Variants in TBC1D5 observed in about 807,000 individuals in gnomAD.
TBC1D5 encodes TBC1 domain family member 5, also known as TBC1 domain family, member 5.
A neutral mutation model predicts 100.3 loss-of-function variants in TBC1D5; 75 were observed. The observed-to-expected ratio is 0.75, with a 90% CI of 0.62 to 0.91. TBC1D5 has a LOEUF of 0.91. Ranked by LOEUF, TBC1D5 falls within the 40% of genes least tolerant of loss-of-function variation. TBC1D5 has a pLI of 0.00. For missense variants in TBC1D5, 910 were observed against 942.4 expected, an observed-to-expected ratio of 0.97 and a Z score of 0.45; for synonymous variants, 323 against 325.6, an observed-to-expected ratio of 0.99 and a Z score of 0.09.
chr3:17,222,351 T>C (rs748216817), intron 17 of TBC1D5, among the ~76,000 whole-genome samples: 61 of 152,198 alleles, frequency 4.0e-4, no homozygotes, highest in Non-Finnish European at 1.5e-4. Context: ...GTTCAACAGT[T>C]CTTTAGAAGA....
At chr3:17,606,409 T>C (rs2061337320) in intron 2 of TBC1D5, among the ~76,000 whole-genome samples, 1 of 152,154 alleles carries the variant, frequency 6.6e-6, no homozygotes, top group Admixed American at 6.5e-5. Context: ...GTGATTGCAC[T>C]GCACTCCAGT....
chr3:17,418,888 T>C (rs1182973538), intron 4 of TBC1D5, among the ~76,000 whole-genome samples: 1 of 152,180 alleles, frequency 6.6e-6, no homozygotes, highest in Non-Finnish European at 1.5e-5. Context: ...AGATTCCGCA[T>C]TCATGGTTTA....
At chr3:17,328,454 C>T (rs776424159) in intron 13 of TBC1D5, among the ~76,000 whole-genome samples, 2 of 152,032 alleles carry the variant, frequency 1.3e-5, no homozygotes, top group Admixed American at 6.6e-5. Flanking sequence ...AGATTGTCCA[C>T]CTTGAATCAT....
At chr3:17,301,868 G>A (rs1285300866) in intron 14 of TBC1D5, among the ~76,000 whole-genome samples, 1 of 152,136 alleles carries the variant, frequency 6.6e-6, no homozygotes, top group African/African-American at 2.4e-5. Flanking sequence ...AAATAGTGTG[G>A]TGGGGGTATC....
At chr3:17,445,199 T>C (rs896344230) in intron 3 of TBC1D5, among the ~76,000 whole-genome samples, 1 of 152,172 alleles carries the variant, frequency 6.6e-6, no homozygotes, top group Non-Finnish European at 1.5e-5. Flanking sequence ...TGATGTCTTA[T>C]ATGAGCTTTC....
intron 3 of TBC1D5, among the ~76,000 whole-genome samples, chr3:17,470,949 C>A (rs1374756900): frequency 4.6e-5 from 7 of 152,096 alleles, no homozygotes; most frequent in Non-Finnish European, 1.0e-4. Flanking sequence ...GTGACATGAA[C>A]TTCTGCAAGG....
intron 13 of TBC1D5, among the ~76,000 whole-genome samples, chr3:17,344,490 C>A (rs1282544031): frequency 6.6e-6 from 1 of 150,692 alleles, no homozygotes; most frequent in African/African-American, 2.4e-5. Context: ...GGCCATACTG[C>A]CCAAGGTAAT....
intron 18 of TBC1D5, among the ~76,000 whole-genome samples, chr3:17,211,993 G>A (rs182822384): frequency 6.6e-5 from 10 of 152,296 alleles, no homozygotes; most frequent in African/African-American, 2.4e-4. Context: ...CAGAAGCTGA[G>A]TGTCTTGCCC....
chr3:17,442,513 C>A (rs948349285), intron 3 of TBC1D5, among the ~76,000 whole-genome samples: 1 of 152,180 alleles, frequency 6.6e-6, no homozygotes, highest in Non-Finnish European at 1.5e-5. Flanking sequence ...ATGATAAAAC[C>A]AGACACAGTG....
intron 8 of TBC1D5, among the ~76,000 whole-genome samples, chr3:17,398,425 T>C (rs2093563607): frequency 6.6e-6 from 1 of 152,122 alleles, no homozygotes; most frequent in Non-Finnish European, 1.5e-5. Context: ...GAATCACAGC[T>C]CATGAAATCA....
At chr3:17,324,136 G>A (rs761663791) in intron 13 of TBC1D5, among the ~76,000 whole-genome samples, 5 of 152,198 alleles carry the variant, frequency 3.3e-5, no homozygotes, top group South Asian at 2.1e-4. Flanking sequence ...AATGAACCTC[G>A]TACTTATATT....
At chr3:17,644,327 A>G (rs941086362) in intron 1 of TBC1D5, among the ~76,000 whole-genome samples, 3 of 152,174 alleles carry the variant, frequency 2.0e-5, no homozygotes, top group African/African-American at 7.2e-5. Context: ...ACTATGTAAG[A>G]GAAGTCCTAC....
At chr3:17,486,521 C>T (rs1025059331) in intron 3 of TBC1D5, among the ~76,000 whole-genome samples, 11 of 152,142 alleles carry the variant, frequency 7.2e-5, no homozygotes, top group Non-Finnish European at 1.2e-4. Context: ...CTTCACAGTA[C>T]ATGAGTAGTA....
At chr3:17,357,500 C>A (rs2091321237) in intron 13 of TBC1D5, among the ~76,000 whole-genome samples, 1 of 152,098 alleles carries the variant, frequency 6.6e-6, no homozygotes. Context: ...GCCTTCCTGC[C>A]TAGAGGTGAT....
chr3:17,603,009 A>C (rs2061085503), intron 2 of TBC1D5, among the ~76,000 whole-genome samples: 1 of 152,318 alleles, frequency 6.6e-6, no homozygotes, highest in East Asian at 1.9e-4. Flanking sequence ...TGCCTAAGTA[A>C]GTCTTCAAGT....
intron 4 of TBC1D5, among the ~76,000 whole-genome samples, chr3:17,418,293 A>G (rs1324882763): frequency 6.6e-6 from 1 of 152,204 alleles, no homozygotes; most frequent in East Asian, 1.9e-4. Context: ...CTCAGTTAAA[A>G]TTTTTGATCA....
intron 3 of TBC1D5, among the ~76,000 whole-genome samples, chr3:17,468,912 A>G (rs1444546429): frequency 6.6e-6 from 1 of 152,178 alleles, no homozygotes; most frequent in African/African-American, 2.4e-5. Context: ...CCTCCACAGA[A>G]ATCAAGCTTC....
intron 21 of TBC1D5, among the ~76,000 whole-genome samples, chr3:17,165,454 G>A (rs1243178818): frequency 6.6e-6 from 1 of 152,184 alleles, no homozygotes; most frequent in Non-Finnish European, 1.5e-5. Context: ...TGCAAGGAAG[G>A]AGAATTTGTG....
At chr3:17,320,470 GT>G (rs2150919588) in intron 13 of TBC1D5, among the ~76,000 whole-genome samples, 1 of 152,328 alleles carries the variant, frequency 6.6e-6, no homozygotes, top group African/African-American at 2.4e-5. Flanking sequence ...AGGATATAGT[GT>G]TGGGATGCTG....
Sources: gnomAD v4.1 joint callset for allele counts (sites outside exome capture counted in the v4.1 genomes callset) on GRCh38, gnomAD v4.1.1 for gene constraint, MANE v1.5 for transcripts, NCBI Gene and HGNC (gene_info 2026-07-23, HGNC 2026-07-21) for gene names.